The following KIF13A variants were observed in gnomAD, a reference collection of about 807,000 sequenced individuals.
KIF13A encodes kinesin-like protein KIF13A.
In KIF13A, 79 loss-of-function variants were observed where a neutral mutation model predicts 212.2. The observed-to-expected ratio is 0.37, with a 90% CI of 0.31 to 0.45. The LOEUF is 0.45. Among genes scored for constraint, KIF13A ranks in the 20% least tolerant of loss-of-function variants. KIF13A has a pLI of 1.00. For missense variants in KIF13A, 1,901 were observed against 2,209.0 expected (o/e 0.86, Z 2.79); for synonymous variants, 789 against 808.6 (o/e 0.98, Z 0.41).
intron 38 of KIF13A, among the ~76,000 whole-genome samples, chr6:17,765,599 G>A (rs1341694603): frequency 6.6e-6 from 1 of 152,152 alleles, no homozygotes; most frequent in Non-Finnish European, 1.5e-5. Flanking sequence ...TGAGTAGAGG[G>A]TTTGGCTAGA....
At position 17,897,696 on chromosome 6, in the gene KIF13A, A is replaced by G. The variant is rs377039683; in HGVS notation, c.159+472T>C. Among the ~76,000 whole-genome samples, 7 of 152,212 alleles carry G rather than the reference A, an allele frequency of 4.6e-5. No homozygotes were observed. In the East Asian group the frequency reaches 1.2e-3, roughly 25 times the overall value. On this transcript the variant is annotated intron_variant, in intron 3 of 38. Coordinates refer to ENST00000259711, the MANE Select transcript of KIF13A (RefSeq NM_022113.6). This position sits in a 1 kb window ranked among gnomAD's most constrained non-coding sequence, Gnocchi z 4.8. ...AAGTGTGAAGAACTTTTCCAATGATAACAACTAATCTTATTGGGGCACAGG... is the reference window on the plus strand; with the variant it reads ...AAGTGTGAAGAACTTTTCCAATGATGACAACTAATCTTATTGGGGCACAGG...
intron 2 of KIF13A, among the ~76,000 whole-genome samples, chr6:17,909,833 C>T (rs559480920): frequency 2.0e-5 from 3 of 151,932 alleles, no homozygotes; most frequent in Non-Finnish European, 4.4e-5. Flanking sequence ...TGCAGTAAGC[C>T]GAGATTGCAC....
At chr6:17,791,693 G>T (rs1056992746) in intron 25 of KIF13A, among the ~76,000 whole-genome samples, 7 of 151,920 alleles carry the variant, frequency 4.6e-5, no homozygotes, top group Admixed American at 2.0e-4. Context: ...TTGAGGTGAG[G>T]AATGCAAGAC....
intron 3 of KIF13A, among the ~76,000 whole-genome samples, chr6:17,887,860 ATTT>A (rs34369336): frequency 2.2e-5 from 3 of 137,024 alleles, no homozygotes; most frequent in African/African-American, 5.4e-5. Context: ...TGTCCAGCTA[ATTT>A]TTTTTTTTTT....
At chr6:17,784,286 T>C (rs1760859426) in intron 28 of KIF13A, among the ~76,000 whole-genome samples, 3 of 151,888 alleles carry the variant, frequency 2.0e-5, no homozygotes, top group African/African-American at 7.3e-5. Flanking sequence ...TAGCTGGGTG[T>C]GGTGGCACAG....
Position 17,764,053 on chromosome 6 carries a change from T to C in KIF13A, c.*57A>G, listed in dbSNP as rs753815632. On this transcript the variant is annotated 3_prime_UTR_variant, in exon 39 of 39. Coordinates refer to ENST00000259711, the MANE Select transcript of KIF13A (RefSeq NM_022113.6). The surrounding 1 kb of genome is among the most constrained non-coding windows in gnomAD (Gnocchi z 5.1). ...CTGTCACAAACAACTGGATGAATCT[T>C]TCCTACCAAGTTGTTGCGGTGAAGG... The C allele has an allele frequency of 9.5e-5, 148 of 1,557,658 alleles. No individual in the cohort carries two copies. Among genetic ancestry groups the C allele is most frequent in the Non-Finnish European group, 1.2e-4 (142 of 1,151,776 alleles).
rs1390137173 is a variant in KIF13A at position 17,777,080 on chromosome 6, A to C, written c.4170+197T>G. Among the ~76,000 whole-genome samples the C allele has an allele frequency of 6.6e-6, 1 of 152,212 alleles. No homozygotes were observed. The highest frequency in any genetic ancestry group is 2.4e-5 in the African/African-American group (1 of 41,452). On this transcript the variant is annotated intron_variant, in intron 34 of 38. Coordinates refer to ENST00000259711, the MANE Select transcript of KIF13A (RefSeq NM_022113.6). The surrounding 1 kb of genome is among the most constrained non-coding windows in gnomAD (Gnocchi z 4.4). ...GAGATAACTTGCTGAACAGGAATTC[A>C]TAAGATTGAACAAATGGCTCAGTCT...
rs6459574 is a variant in KIF13A, at chr6:17,804,558, T to C, written c.2305-48A>G. The C allele has an allele frequency of 8.7e-3, 12,490 of 1,436,168 alleles. 946 individuals carry two copies. In the African/African-American group the frequency reaches 0.16, roughly 18 times the overall value. The allele number at this position is 1,436,168 out of a possible 1,614,324, so 89.0% of individuals were successfully genotyped here. On this transcript the variant is annotated intron_variant, in intron 19 of 38. Coordinates refer to ENST00000259711, the MANE Select transcript of KIF13A (RefSeq NM_022113.6). Reference sequence around the variant, plus strand: ...GAGTGGACGAATAAGAAACATAACATCAATTTAAATAATATTATTTAAAAC... The same window carrying C: ...GAGTGGACGAATAAGAAACATAACACCAATTTAAATAATATTATTTAAAAC...
intron 22 of KIF13A, among the ~76,000 whole-genome samples, chr6:17,798,810 T>C (rs114705048): frequency 0.023 from 3,513 of 152,314 alleles, 93 homozygotes; most frequent in African/African-American, 0.056. Flanking sequence ...ATATCACTCA[T>C]ATGATACATT....
intron 3 of KIF13A, among the ~76,000 whole-genome samples, chr6:17,894,784 C>T (rs1772413376): frequency 6.6e-6 from 1 of 152,172 alleles, no homozygotes; most frequent in South Asian, 2.1e-4. Flanking sequence ...TACAGTATCA[C>T]ACAGTACAGT....
intron 3 of KIF13A, among the ~76,000 whole-genome samples, chr6:17,874,851 G>C (rs1770357236): frequency 6.6e-6 from 1 of 151,654 alleles, no homozygotes; most frequent in Non-Finnish European, 1.5e-5. Flanking sequence ...CCACATATCA[G>C]TGAGGACATA....
chr6:17,843,099 T>A lies in KIF13A; in HGVS notation c.831-5516A>T, dbSNP rs538850593. On this transcript the variant is annotated intron_variant, in intron 9 of 38. Transcript: ENST00000259711. The surrounding 1 kb of genome is among the most constrained non-coding windows in gnomAD (Gnocchi z 5.3). ...TATTTCTCTGCTTTTCTATTTAGATTGTGATTACCTTGAAGGCAGACGGTG... is the reference window on the plus strand; with the variant it reads ...TATTTCTCTGCTTTTCTATTTAGATAGTGATTACCTTGAAGGCAGACGGTG... 6.6e-6 allele frequency among the ~76,000 whole-genome samples: 1 copy of A among 152,220 alleles called. No individual in the cohort carries two copies. The highest frequency in any genetic ancestry group is 1.9e-4 in the East Asian group (1 of 5,204).
chr6:17,772,929 C>T lies in KIF13A; in HGVS notation c.4324+549G>A, dbSNP rs938338444. Reference sequence around the variant, plus strand: ...CCTTTCCAATTTGTTAGTATAATGGCGAATATACCTTATATTTTACCTACT... The same window carrying T: ...CCTTTCCAATTTGTTAGTATAATGGTGAATATACCTTATATTTTACCTACT... On this transcript the variant is annotated intron_variant, in intron 36 of 38. Transcript: ENST00000259711. The surrounding 1 kb of genome is among the most constrained non-coding windows in gnomAD (Gnocchi z 4.8). 1.3e-5 allele frequency among the ~76,000 whole-genome samples: 2 copies of T among 151,950 alleles called. No homozygotes were observed. The highest frequency in any genetic ancestry group is 2.9e-5 in the Non-Finnish European group (2 of 68,006).
In KIF13A at chr6:17,951,241, C is replaced by T; in HGVS notation, c.146+35813G>A. The T allele has an allele frequency of 1.3e-6, 1 of 742,610 alleles. No homozygotes were observed. Among genetic ancestry groups the T allele is most frequent in the Non-Finnish European group, 1.9e-6 (1 of 514,456 alleles). The allele number at this position is 742,610 out of a possible 1,614,324, so 46.0% of individuals were successfully genotyped here. A position where few individuals can be genotyped will look rare whatever the true frequency, so the allele number is the denominator to read the frequency against. ...TCAAACAGCTCACTGGAGCCTCCTGCCTCAGTCTCCTGAGTAGCTGGGACC... is the reference window on the plus strand; with the variant it reads ...TCAAACAGCTCACTGGAGCCTCCTGTCTCAGTCTCCTGAGTAGCTGGGACC... On this transcript the variant is annotated intron_variant, in intron 2 of 38. Transcript: ENST00000259711. The surrounding 1 kb of genome is among the most constrained non-coding windows in gnomAD (Gnocchi z 4.9).
intron 3 of KIF13A, among the ~76,000 whole-genome samples, chr6:17,885,992 C>T (rs1771508450): frequency 6.6e-6 from 1 of 152,206 alleles, no homozygotes; most frequent in East Asian, 1.9e-4. Context: ...TTCAACAGCA[C>T]ATTCAAAGGT....
At chr6:17,876,232 T>C (rs1166645109) in intron 3 of KIF13A, among the ~76,000 whole-genome samples, 2 of 152,154 alleles carry the variant, frequency 1.3e-5, no homozygotes, top group African/African-American at 4.8e-5. Context: ...GATCCTTTAA[T>C]GCTTAATCAC....
rs1776240946 is a variant in KIF13A at position 17,934,040 on chromosome 6, AT to A, written c.147-35861del. Among the ~76,000 whole-genome samples, 1 of 152,240 alleles carries A rather than the reference AT, an allele frequency of 6.6e-6. No homozygotes were observed. Among genetic ancestry groups the A allele is most frequent in the Non-Finnish European group, 1.5e-5 (1 of 68,036 alleles). ...AAAGAAAGCTGCCTTTTATAACTCA[AT>A]TCAATCTAAATTGTGTCGTTAGGGT... On this transcript the variant is annotated intron_variant, in intron 2 of 38. Coordinates refer to ENST00000259711, the MANE Select transcript of KIF13A (RefSeq NM_022113.6). The surrounding 1 kb of genome is among the most constrained non-coding windows in gnomAD (Gnocchi z 5.4).
At chr6:17,925,434 T>C (rs940081675) in intron 2 of KIF13A, among the ~76,000 whole-genome samples, 1 of 152,132 alleles carries the variant, frequency 6.6e-6, no homozygotes, top group African/African-American at 2.4e-5. Flanking sequence ...TTATTAGACA[T>C]CTAAATGAGA....
In KIF13A at chr6:17,785,435, G is replaced by A. The variant is rs1039951661; in HGVS notation, c.3488+80C>T. On this transcript the variant is annotated intron_variant, in intron 28 of 38. Transcript: ENST00000259711. This position sits in a 1 kb window ranked among gnomAD's most constrained non-coding sequence, Gnocchi z 5.8. The stretch of plus-strand genomic sequence containing the variant: ...GGTTGGCATTTTCTGTGACAATCCT[G>A]GAAAGTCTCTTGCATGGCTCTTGCC... The A allele has an allele frequency of 7.2e-6, 10 of 1,397,414 alleles. No individual in the cohort carries two copies. The highest frequency in any genetic ancestry group is 7.5e-6 in the Non-Finnish European group (8 of 1,064,356). 86.6% of individuals were successfully genotyped at this position (1,397,414 alleles called of 1,614,324 possible).
Sources: gnomAD v4.1 joint callset for allele counts (sites outside exome capture counted in the v4.1 genomes callset) on GRCh38, gnomAD v4.1.1 for gene constraint, Gnocchi (gnomAD v3.1) non-coding constraint, MANE v1.5 for transcripts, NCBI Gene and HGNC (gene_info 2026-07-23, HGNC 2026-07-21) for gene names.